Variants in DMD observed in about 807,000 individuals in gnomAD.
DMD encodes the protein mutant dystrophin.
A neutral mutation model predicts 330.1 loss-of-function variants in DMD; 63 were observed. The observed-to-expected ratio is 0.19, with a 90% CI of 0.16 to 0.24. The LOEUF is 0.24. DMD is among the 10% of genes least tolerant of loss of function. The probability of loss-of-function intolerance (pLI) is 1.00; values close to 1 mark genes in which losing one functional copy is unlikely to be tolerated. For missense variants in DMD, 3,344 were observed against 2,684.1 expected (o/e 1.25, Z -5.43); for synonymous variants, 1,223 against 959.8 (o/e 1.27, Z -5.07).
In DMD at chrX:31,875,278, C is replaced by T. The variant is rs1352231346; in HGVS notation, c.7008G>A (p.Gln2336=). 8.3e-7 allele frequency: 1 copy of T among 1,203,922 alleles called. No homozygotes were observed. The change falls in exon 48 of 79, where the codon CAG becomes CAA. Residue 2336 remains glutamine (Q), a synonymous_variant. Transcript: ENST00000357033. ...LEKKLEDLEE[Q]LNHLLLWLSP... is the part of the protein sequence containing the mutation. The stretch of plus-strand genomic sequence containing the variant: ...ATAACCACAGCAGCAGATGATTTAA[C>T]TGCTCTTCAAGGTCTTCAAGCTTTT...
chrX:31,565,333 T>C (rs1048525435), intron 55 of DMD, among the ~76,000 whole-genome samples: 1 of 111,665 alleles, frequency 9.0e-6, no homozygotes, highest in Non-Finnish European at 1.9e-5. Context: ...ATCACCAATC[T>C]GTTCTTCATT....
intron 55 of DMD, among the ~76,000 whole-genome samples, chrX:31,558,631 T>G (rs72625593): frequency 1.8e-5 from 2 of 109,530 alleles, no homozygotes; most frequent in African/African-American, 6.7e-5. Flanking sequence ...GAATTATGTC[T>G]GAGTTATATG....
rs1432714005 is a variant in DMD at position 31,478,265 on chromosome X, C to G, written c.8778G>C (p.Gln2926His). Residue 2926 changes from glutamine to histidine, a missense_variant, in exon 59 of 79, where the codon CAG becomes CAC. Physicochemically the swap from Gln to His is conservative, Grantham distance 24. Coordinates refer to ENST00000357033, the MANE Select transcript of DMD (RefSeq NM_004006.3). The stretch of plus-strand genomic sequence containing the variant: ...TTTCAAGGGTCTCATCTATTTTTCT[C>G]TGCCAGTCAGCGGAGTGCAGGTTCA... ...EKLNLHSADW[Q>H]RKIDETLERL... 4.1e-6 allele frequency: 5 copies of G among 1,211,557 alleles called. No individual in the cohort carries two copies. Among genetic ancestry groups the G allele is most frequent in the East Asian group, 5.9e-5 (2 of 33,835 alleles).
At chrX:31,425,685 C>G (rs772141754) in intron 60 of DMD, among the ~76,000 whole-genome samples, 1 of 108,339 alleles carries the variant, frequency 9.2e-6, no homozygotes, top group Non-Finnish European at 1.9e-5. Context: ...CACAGACACA[C>G]AGGCATGAGT....
intron 51 of DMD, among the ~76,000 whole-genome samples, chrX:31,772,903 C>A (rs1241247748): frequency 8.9e-6 from 1 of 111,884 alleles, no homozygotes; most frequent in Non-Finnish European, 1.9e-5. Flanking sequence ...GCTCTGTACT[C>A]AGAATAGGAA....
chrX:32,996,718 G>A (rs967018736), intron 2 of DMD, among the ~76,000 whole-genome samples: 2 of 110,283 alleles, frequency 1.8e-5, no homozygotes, highest in Non-Finnish European at 1.9e-5. Context: ...CTGGGAGGCC[G>A]AGGCAGGAGA....
chrX:33,214,765 T>A (rs188165122), upstream of DMD, among the ~76,000 whole-genome samples: 1 of 111,854 alleles, frequency 8.9e-6, no homozygotes, highest in East Asian at 2.8e-4. Context: ...GTGATCCTCC[T>A]GCCTCAATCT....
intron 55 of DMD, among the ~76,000 whole-genome samples, chrX:31,510,584 T>G (rs183443364): frequency 7.7e-5 from 8 of 103,904 alleles, no homozygotes; most frequent in South Asian, 4.7e-4. Context: ...CTTGGCTCAC[T>G]GCAAGCTCCG....
At chrX:33,095,561 G>A (rs1310901011) in intron 1 of DMD, among the ~76,000 whole-genome samples, 1 of 112,027 alleles carries the variant, frequency 8.9e-6, no homozygotes, top group East Asian at 2.8e-4. Context: ...ATCAAGAGTG[G>A]AACTGCAATG....
In DMD at chrX:31,966,566, A is replaced by G. The variant is rs779680095; in HGVS notation, c.6614+1773T>C. On this transcript the variant is annotated intron_variant, in intron 45 of 78. Transcript: ENST00000357033. ...TTTAAAGCACTGAAGTGCAATATTT[A>G]ATGTAGGTCAACATGTTTAAATGGG... Among the ~76,000 whole-genome samples, 13 of 111,093 alleles carry G rather than the reference A, an allele frequency of 1.2e-4. No homozygotes were observed. In the South Asian group the frequency reaches 4.8e-3, roughly 41 times the overall value.
At chrX:32,725,793 C>G (rs961675359) in intron 7 of DMD, among the ~76,000 whole-genome samples, 3 of 110,841 alleles carry the variant, frequency 2.7e-5, no homozygotes, top group Non-Finnish European at 5.7e-5. Context: ...GGTGACTATA[C>G]TCAATAATTT....
At position 33,180,843 on chromosome X, in the gene DMD, CTTT is replaced by C. The variant is rs3990972; in HGVS notation, c.31+30436_31+30438del. Among the ~76,000 whole-genome samples, 362 of 84,681 alleles carry C rather than the reference CTTT, an allele frequency of 4.3e-3. 2 individuals carry two copies. Among genetic ancestry groups the C allele is most frequent in the East Asian group, 0.014 (35 of 2,552 alleles). The allele number at this position is 84,681 out of a possible 115,157, so 73.5% of individuals were successfully genotyped here. The stretch of plus-strand genomic sequence containing the variant: ...CATATCGAGAGATAATGTCTAAGAG[CTTT>C]TTTTTTTTTTTTTTTTAAGAGCCTT... On this transcript the variant is annotated intron_variant, in intron 1 of 78. Coordinates refer to ENST00000357033, the MANE Select transcript of DMD (RefSeq NM_004006.3).
chrX:32,629,899 C>A (rs1268410777), intron 11 of DMD, among the ~76,000 whole-genome samples: 2 of 110,161 alleles, frequency 1.8e-5, no homozygotes, highest in Non-Finnish European at 3.8e-5. Flanking sequence ...AAAGTTGTTG[C>A]AGTTATTTTT....
intron 55 of DMD, among the ~76,000 whole-genome samples, chrX:31,599,514 C>T (rs2077251900): frequency 8.9e-6 from 1 of 111,832 alleles, no homozygotes. Flanking sequence ...TATTTAAATT[C>T]CTAAAATTAT....
intron 62 of DMD, among the ~76,000 whole-genome samples, chrX:31,278,666 C>T (rs773441957): frequency 1.1e-3 from 128 of 112,110 alleles, no homozygotes; most frequent in African/African-American, 3.9e-3. Context: ...CACAACTGCA[C>T]GTTGCCTGTC....
chrX:31,128,570 G>A (rs1036189123), intron 77 of DMD, among the ~76,000 whole-genome samples: 1 of 112,308 alleles, frequency 8.9e-6, no homozygotes, highest in Non-Finnish European at 1.9e-5. Flanking sequence ...AGAATGTAAC[G>A]ATGATTCTTT....
intron 2 of DMD, among the ~76,000 whole-genome samples, chrX:32,929,670 G>A (rs1040710405): frequency 2.0e-4 from 22 of 110,815 alleles, no homozygotes; most frequent in African/African-American, 4.3e-4. Flanking sequence ...CCATCAACCC[G>A]TCATCTACAT....
At chrX:32,194,648 A>G (rs904557602) in intron 44 of DMD, among the ~76,000 whole-genome samples, 19 of 111,344 alleles carry the variant, frequency 1.7e-4, no homozygotes, top group African/African-American at 5.6e-4. Flanking sequence ...GGAAAGAAGC[A>G]CCTAGCTACA....
In DMD at chrX:32,902,984, C is replaced by G. The variant is rs935643131; in HGVS notation, c.94-53164G>C. 7.5e-5 allele frequency among the ~76,000 whole-genome samples: 8 copies of G among 107,059 alleles called. 2 individuals carry two copies. The highest frequency in any genetic ancestry group is 2.8e-4 in the African/African-American group (8 of 28,791). The allele number at this position is 107,059 out of a possible 115,157, so 93.0% of individuals were successfully genotyped here. A position where few individuals can be genotyped will look rare whatever the true frequency, so the allele number is the denominator to read the frequency against. On this transcript the variant is annotated intron_variant, in intron 2 of 78. Transcript: ENST00000357033. The stretch of plus-strand genomic sequence containing the variant: ...CCAGCCTGGCCAACATGATGAAACC[C>G]CATCTCTACTAAAAATACAAAAATT...
Sources: gnomAD v4.1 joint callset for allele counts (sites outside exome capture counted in the v4.1 genomes callset) on GRCh38, gnomAD v4.1.1 for gene constraint, MANE v1.5 for transcripts, NCBI Gene and HGNC (gene_info 2026-07-23, HGNC 2026-07-21) for gene names.